Variants in ALDH1A3 observed in about 807,000 individuals in gnomAD.
The protein encoded by ALDH1A3 is aldehyde dehydrogenase 1 family member A3, also known as retinaldehyde dehydrogenase 3.
A neutral mutation model predicts 57.5 loss-of-function variants in ALDH1A3; 28 were observed. That is an observed-to-expected ratio of 0.49 (90% CI 0.36 to 0.67). The LOEUF (loss-of-function observed/expected upper bound fraction) is 0.67, where lower values mean the gene tolerates loss of function less well. Ranked by LOEUF, ALDH1A3 falls within the 30% of genes least tolerant of loss-of-function variation. ALDH1A3 has a pLI of 0.00. For missense variants in ALDH1A3, 507 were observed against 669.4 expected, an observed-to-expected ratio of 0.76 and a Z score of 2.68; for synonymous variants, 281 against 264.8, an observed-to-expected ratio of 1.06 and a Z score of -0.59.
chr15:100,897,783 C>T (rs2041722492), intron 7 of ALDH1A3, among the ~76,000 whole-genome samples: 2 of 152,244 alleles, frequency 1.3e-5, no homozygotes, highest in Non-Finnish European at 2.9e-5. Context: ...GGCACCAGGA[C>T]AGGTTAGCGG....
chr15:100,909,406 A>C (rs2041860267), intron 12 of ALDH1A3, among the ~76,000 whole-genome samples: 1 of 135,662 alleles, frequency 7.4e-6, no homozygotes, highest in Non-Finnish European at 1.6e-5. Context: ...GTGCAAACCC[A>C]CTGGAAACCC....
At chr15:100,909,434 ACCCAC>A (rs2041861068) in intron 12 of ALDH1A3, among the ~76,000 whole-genome samples, 1 of 138,288 alleles carries the variant, frequency 7.2e-6, no homozygotes, top group African/African-American at 2.8e-5. Context: ...GTGTGTGCAA[ACCCAC>A]TGCAAACCCC....
Position 100,893,635 on chromosome 15 carries a change from GCAAC to G in ALDH1A3, c.538-318_538-315del. The G allele has an allele frequency of 1.2e-5, 3 of 240,006 alleles. No homozygotes were observed. Among genetic ancestry groups the G allele is most frequent in the Non-Finnish European group, 2.4e-5 (3 of 123,804 alleles). 14.9% of individuals were successfully genotyped at this position (240,006 alleles called of 1,614,324 possible). On this transcript the variant is annotated intron_variant, in intron 5 of 12. Coordinates refer to ENST00000329841, the MANE Select transcript of ALDH1A3 (RefSeq NM_000693.4). The surrounding 1 kb of genome is among the most constrained non-coding windows in gnomAD (Gnocchi z 4.8). ...AGGCAGGAAGCTGAAGAGCCAGGTG[GCAAC>G]ATGAAGTGAGGGTTCAAAAAGTGCC...
Position 100,900,483 on chromosome 15 carries a change from G to A in ALDH1A3, c.884-92G>A. 3.4e-6 allele frequency: 4 copies of A among 1,180,766 alleles called. No homozygotes were observed. In the African/African-American group the frequency reaches 4.6e-5, roughly 14 times the overall value. The allele number at this position is 1,180,766 out of a possible 1,614,324, so 73.1% of individuals were successfully genotyped here. On this transcript the variant is annotated intron_variant, in intron 8 of 12. Transcript: ENST00000329841. ...ATCCTGGGGCCTGTTTTCTTGTGTGGGCAATTAGAATTGCAGCTGTCACCA... is the reference window on the plus strand; with the variant it reads ...ATCCTGGGGCCTGTTTTCTTGTGTGAGCAATTAGAATTGCAGCTGTCACCA...
chr15:100,895,675 G>A (rs910146765), intron 6 of ALDH1A3: 3 of 539,276 alleles, frequency 5.6e-6, no homozygotes, highest in Non-Finnish European at 6.7e-6. Context: ...ATATCACTTT[G>A]GGATGGGGTC....
chr15:100,907,340 T>G (rs1173996991), intron 11 of ALDH1A3, 62 bp downstream of exon 11: 1 of 1,532,706 alleles, frequency 6.5e-7, no homozygotes, highest in Non-Finnish European at 8.9e-7. Flanking sequence ...TTCATTATTC[T>G]TCTATTAACT....
At chr15:100,895,563 TAC>T (rs2041693641) in intron 6 of ALDH1A3, 2 of 249,170 alleles carry the variant, frequency 8.0e-6, no homozygotes, top group African/African-American at 2.2e-5. Context: ...CCTTAACGCA[TAC>T]ACACACTCTC....
At position 100,906,672 on chromosome 15, in the gene ALDH1A3, A is replaced by G. The variant is rs1165208854; in HGVS notation, c.1234-449A>G. ...TGTGTCATTCCTTCCCCTGGTAGTTATTATGGAAACGTTCTAGGGTGTCTT... is the reference window on the plus strand; with the variant it reads ...TGTGTCATTCCTTCCCCTGGTAGTTGTTATGGAAACGTTCTAGGGTGTCTT... On this transcript the variant is annotated intron_variant, in intron 10 of 12. Coordinates refer to ENST00000329841, the MANE Select transcript of ALDH1A3 (RefSeq NM_000693.4). This position sits in a 1 kb window ranked among gnomAD's most constrained non-coding sequence, Gnocchi z 4.8. Among the ~76,000 whole-genome samples, 1 of 152,160 alleles carries G rather than the reference A, an allele frequency of 6.6e-6. No homozygotes were observed. Among genetic ancestry groups the G allele is most frequent in the Non-Finnish European group, 1.5e-5 (1 of 68,028 alleles).
intron 9 of ALDH1A3, among the ~76,000 whole-genome samples, chr15:100,904,961 C>A (rs1197534653): frequency 6.6e-6 from 1 of 152,182 alleles, no homozygotes; most frequent in African/African-American, 2.4e-5. Flanking sequence ...GTAACTATTA[C>A]CCTGATTCAC....
chr15:100,893,816 T>G lies in ALDH1A3; in HGVS notation c.538-138T>G, dbSNP rs897131396. 6 of 1,191,470 alleles carry G rather than the reference T, an allele frequency of 5.0e-6. No homozygotes were observed. Among genetic ancestry groups the G allele is most frequent in the African/African-American group, 1.5e-5 (1 of 65,656 alleles). The allele number at this position is 1,191,470 out of a possible 1,614,324, so 73.8% of individuals were successfully genotyped here. ...TGTGCAGGATTGCAGTTCTGATCAT[T>G]GCACACTCCTATGTTACCCCACATA... On this transcript the variant is annotated intron_variant, in intron 5 of 12. Transcript: ENST00000329841. This position sits in a 1 kb window ranked among gnomAD's most constrained non-coding sequence, Gnocchi z 4.8.
intron 9 of ALDH1A3, among the ~76,000 whole-genome samples, chr15:100,901,476 C>T (rs999509000): frequency 2.0e-5 from 3 of 152,136 alleles, no homozygotes; most frequent in Non-Finnish European, 2.9e-5. Context: ...GTCACATGTC[C>T]GTGACTTACC....
At chr15:100,881,078 A>G (rs558152479) in intron 1 of ALDH1A3, 22 of 152,274 alleles carry the variant, frequency 1.4e-4, no homozygotes, top group Non-Finnish European at 2.6e-4. Flanking sequence ...GTTTTACTTT[A>G]AGAAGTAGCA....
chr15:100,912,735 T>C (rs1185555540), intron 12 of ALDH1A3, among the ~76,000 whole-genome samples: 1 of 152,208 alleles, frequency 6.6e-6, no homozygotes, highest in Non-Finnish European at 1.5e-5. Context: ...AAGGAGGTGA[T>C]GGTTTTCCTA....
chr15:100,890,160 A>G (rs1210621996), intron 3 of ALDH1A3, among the ~76,000 whole-genome samples: 9 of 152,026 alleles, frequency 5.9e-5, no homozygotes, highest in Non-Finnish European at 1.2e-4. Flanking sequence ...TTTTCACCCC[A>G]AGTGCCATTT....
intron 9 of ALDH1A3, among the ~76,000 whole-genome samples, chr15:100,901,272 A>G (rs922485815): frequency 2.0e-5 from 3 of 152,222 alleles, no homozygotes; most frequent in African/African-American, 7.2e-5. Context: ...GATGAAAATG[A>G]TCATAACCAC....
chr15:100,897,501 A>G (rs1187002912), intron 7 of ALDH1A3, among the ~76,000 whole-genome samples: 1 of 152,010 alleles, frequency 6.6e-6, no homozygotes, highest in African/African-American at 2.4e-5. Flanking sequence ...CTCATAGCGC[A>G]CCCCTTCACT....
chr15:100,910,925 C>A (rs765951633), intron 12 of ALDH1A3, among the ~76,000 whole-genome samples: 1 of 152,190 alleles, frequency 6.6e-6, no homozygotes, highest in Non-Finnish European at 1.5e-5. Context: ...CTCATTGCAA[C>A]CTTCCCTCTT....
At chr15:100,880,297 C>T (rs572344357) in intron 1 of ALDH1A3, 29 of 378,196 alleles carry the variant, frequency 7.7e-5, no homozygotes, top group Non-Finnish European at 1.3e-4. Flanking sequence ...CCCGACGTGT[C>T]CCTGCGCTGC....
intron 8 of ALDH1A3, 133 bp downstream of exon 8, chr15:100,898,318 G>C: frequency 1.4e-6 from 1 of 703,700 alleles, no homozygotes; most frequent in East Asian, 2.9e-5. Flanking sequence ...TCCACCGTGG[G>C]CATCCTGCCC....
Sources: allele counts gnomAD v4.1 joint callset (sites outside exome capture counted in the v4.1 genomes callset), GRCh38; gene constraint gnomAD v4.1.1; non-coding constraint Gnocchi (gnomAD v3.1); transcripts MANE v1.5; gene names NCBI Gene and HGNC (gene_info 2026-07-23, HGNC 2026-07-21).